The following VSTM4 variants were observed in gnomAD, a reference collection of about 807,000 sequenced individuals.
VSTM4 encodes the protein V-set and transmembrane domain containing 4.
Under a neutral mutation model 36.4 loss-of-function variants are expected in VSTM4, and 20 were observed. That is an observed-to-expected ratio of 0.55 (90% CI 0.39 to 0.80). The LOEUF (loss-of-function observed/expected upper bound fraction) is 0.80. Among genes scored for constraint, VSTM4 ranks in the 30% least tolerant of loss-of-function variants. The pLI, the probability that VSTM4 is intolerant of heterozygous loss-of-function variation, is 0.00. For synonymous variants in VSTM4, 182 were observed against 173.9 expected (o/e 1.05, Z -0.37); for missense variants, 392 against 404.5 (o/e 0.97, Z 0.26).
chr10:49,114,404 G>C (rs1395735959), intron 1 of VSTM4, among the ~76,000 whole-genome samples: 3 of 152,196 alleles, frequency 2.0e-5, no homozygotes, highest in Non-Finnish European at 4.4e-5. Context: ...ACACAGTTTA[G>C]TGGTTATTGA....
At chr10:49,045,357 A>G (rs1211667031) in intron 7 of VSTM4, among the ~76,000 whole-genome samples, 1 of 152,198 alleles carries the variant, frequency 6.6e-6, no homozygotes, top group Non-Finnish European at 1.5e-5. Flanking sequence ...AACAAATGAA[A>G]AAAGGGGGCC....
intron 5 of VSTM4, among the ~76,000 whole-genome samples, chr10:49,056,496 G>A (rs576561498): frequency 1.5e-3 from 230 of 152,328 alleles, no homozygotes; most frequent in African/African-American, 5.0e-3. Flanking sequence ...ACTAACTGCC[G>A]GGTTGTGCCT....
intron 2 of VSTM4, among the ~76,000 whole-genome samples, chr10:49,099,113 T>A (rs574757363): frequency 4.6e-5 from 7 of 152,180 alleles, no homozygotes; most frequent in African/African-American, 1.7e-4. Flanking sequence ...GACTGTGTAG[T>A]CCCAGTTAGG....
chr10:49,094,975 T>C (rs1844543419), intron 2 of VSTM4, among the ~76,000 whole-genome samples: 1 of 152,154 alleles, frequency 6.6e-6, no homozygotes, highest in Non-Finnish European at 1.5e-5. Context: ...CAGCAGCCGA[T>C]GAGAAACAAT....
Position 49,109,980 on chromosome 10 carries a change from C to T in VSTM4, c.56-1985G>A, listed in dbSNP as rs548223740. 3.2e-3 allele frequency among the ~76,000 whole-genome samples: 480 copies of T among 152,346 alleles called. 3 individuals are homozygous for T. Among genetic ancestry groups the T allele is most frequent in the African/African-American group, 0.01 (419 of 41,582 alleles). On this transcript the variant is annotated intron_variant, in intron 1 of 7. Transcript: ENST00000332853. ...CTGTGTGAAGTCCACACAGCTCCCA[C>T]GGCAGGAGCTCCCTGGTGAGGAATG...
At chr10:49,041,803 G>A (rs1040846783) in intron 7 of VSTM4, among the ~76,000 whole-genome samples, 1 of 152,114 alleles carries the variant, frequency 6.6e-6, no homozygotes, top group African/African-American at 2.4e-5. Flanking sequence ...GCTTGTAGGG[G>A]GCAATGAGAA....
At chr10:49,074,754 G>A (rs1187361496) in intron 4 of VSTM4, among the ~76,000 whole-genome samples, 1 of 152,198 alleles carries the variant, frequency 6.6e-6, no homozygotes, top group Non-Finnish European at 1.5e-5. Context: ...CAACTGCCAT[G>A]GAGGGCTAAA....
At chr10:49,056,208 C>T (rs151060948) in intron 5 of VSTM4, among the ~76,000 whole-genome samples, 30 of 152,366 alleles carry the variant, frequency 2.0e-4, no homozygotes, top group African/African-American at 4.3e-4. Context: ...CCTGCAGCCG[C>T]GAGGGAAGCT....
intron 5 of VSTM4, 80 bp downstream of exon 5, chr10:49,064,623 T>G: frequency 1.3e-6 from 2 of 1,489,106 alleles, no homozygotes; most frequent in South Asian, 1.2e-5. Context: ...AACTACAAAT[T>G]TAATCAATTT....
chr10:49,030,849 A>G (rs889028538), intron 7 of VSTM4, among the ~76,000 whole-genome samples: 3 of 152,226 alleles, frequency 2.0e-5, no homozygotes. Context: ...TATCAGACAG[A>G]CAGATGCCTG....
At chr10:49,037,555 G>T (rs1843450567) in intron 7 of VSTM4, among the ~76,000 whole-genome samples, 1 of 152,208 alleles carries the variant, frequency 6.6e-6, no homozygotes, top group Non-Finnish European at 1.5e-5. Flanking sequence ...CAGGTTCCCT[G>T]CTGAGGATAT....
At chr10:49,038,464 G>A (rs879767817) in intron 7 of VSTM4, among the ~76,000 whole-genome samples, 12 of 152,154 alleles carry the variant, frequency 7.9e-5, no homozygotes. Flanking sequence ...GGGTGGGAGT[G>A]GGGGGTGTTT....
intron 7 of VSTM4, among the ~76,000 whole-genome samples, chr10:49,020,613 A>G (rs897079627): frequency 9.9e-5 from 15 of 152,068 alleles, no homozygotes; most frequent in African/African-American, 3.6e-4. Flanking sequence ...AATACAGGAT[A>G]AAATGCATTA....
At chr10:49,103,695 T>C (rs757552555) in intron 2 of VSTM4, 13 of 1,605,218 alleles carry the variant, frequency 8.1e-6, no homozygotes, top group Non-Finnish European at 1.1e-5. Flanking sequence ...GGCACCAGCC[T>C]TTCTTTCTGG....
intron 7 of VSTM4, among the ~76,000 whole-genome samples, chr10:49,033,231 G>T (rs372731038): frequency 6.6e-6 from 1 of 152,170 alleles, no homozygotes; most frequent in African/African-American, 2.4e-5. Flanking sequence ...AGATCTATAC[G>T]TACTGATGTA....
intron 2 of VSTM4, among the ~76,000 whole-genome samples, chr10:49,090,969 GTGCACAGGCA>G (rs1199571138): frequency 1.4e-5 from 2 of 141,590 alleles, no homozygotes; most frequent in East Asian, 4.9e-4. Context: ...TGCTCCCACA[GTGCACAGGCA>G]TGTAGTCCCC....
chr10:49,094,113 G>T (rs1844528657), intron 2 of VSTM4, among the ~76,000 whole-genome samples: 1 of 152,140 alleles, frequency 6.6e-6, no homozygotes, highest in Non-Finnish European at 1.5e-5. Context: ...ACCTTACCAG[G>T]ACTATGACAT....
intron 5 of VSTM4, 45 bp from the exon 6 acceptor site, chr10:49,048,629 G>T: frequency 6.6e-7 from 1 of 1,520,774 alleles, no homozygotes; most frequent in African/African-American, 1.4e-5. Flanking sequence ...CAGATTTGTT[G>T]CAAAAGAGAA....
intron 2 of VSTM4, among the ~76,000 whole-genome samples, chr10:49,104,998 CAGAG>C (rs141563757): frequency 2.1e-4 from 19 of 90,234 alleles, no homozygotes; most frequent in Admixed American, 1.6e-3. Context: ...CACAGAGAGA[CAGAG>C]AGAGAGACAG....
Sources: gnomAD v4.1 joint callset for allele counts (sites outside exome capture counted in the v4.1 genomes callset) on GRCh38, gnomAD v4.1.1 for gene constraint, MANE v1.5 for transcripts, NCBI Gene and HGNC (gene_info 2026-07-23, HGNC 2026-07-21) for gene names.